EMID1: variants seen among roughly 807,000 people sequenced by gnomAD.
EMID1 encodes the protein EMI domain-containing protein 1.
Under a neutral mutation model 60.6 loss-of-function variants are expected in EMID1, and 40 were observed. The observed-to-expected ratio is 0.66, with a 90% confidence interval of 0.51 to 0.86. EMID1 has a LOEUF of 0.86. EMID1 is among the 40% of genes least tolerant of loss of function. The probability of loss-of-function intolerance (pLI) is 0.00; values close to 1 mark genes in which losing one functional copy is unlikely to be tolerated. For missense variants in EMID1, 585 were observed against 597.1 expected (o/e 0.98, Z 0.21); for synonymous variants, 242 against 231.0 (o/e 1.05, Z -0.43).
intron 14 of EMID1, chr22:29,255,186 G>GCCCAA: frequency 4.7e-6 from 2 of 425,448 alleles, no homozygotes; most frequent in Non-Finnish European, 9.1e-6. Flanking sequence ...AGCTGGCAGT[G>GCCCAA]CCCTCCCACC....
chr22:29,253,826 G>GAGAGC (rs2041607645), intron 13 of EMID1: 1 of 810,530 alleles, frequency 1.2e-6, no homozygotes, highest in Non-Finnish European at 1.5e-6. Flanking sequence ...CAGGTGTTGG[G>GAGAGC]AGAGCAACTG....
intron 14 of EMID1, chr22:29,255,607 G>T (rs894068104): frequency 1.4e-5 from 5 of 369,236 alleles, no homozygotes; most frequent in Non-Finnish European, 2.4e-5. Context: ...ACACAGTCCT[G>T]CCCTTGAGGA....
chr22:29,225,697 T>C (rs1318774646), intron 4 of EMID1, among the ~76,000 whole-genome samples: 1 of 152,116 alleles, frequency 6.6e-6, no homozygotes, highest in Non-Finnish European at 1.5e-5. Flanking sequence ...GCACCAGGAC[T>C]AGACCCCAGA....
At chr22:29,235,792 T>C (rs899455264) in intron 12 of EMID1, among the ~76,000 whole-genome samples, 11 of 141,224 alleles carry the variant, frequency 7.8e-5, no homozygotes, top group African/African-American at 2.9e-4. Flanking sequence ...TTTTTTTTTT[T>C]TTTTTTTTTT....
chr22:29,219,392 ACATATT>A (rs1460165735), intron 3 of EMID1, among the ~76,000 whole-genome samples: 2 of 152,058 alleles, frequency 1.3e-5, no homozygotes, highest in Non-Finnish European at 2.9e-5. Flanking sequence ...TCCCCAGCAT[ACATATT>A]CCTTCCCTGT....
At position 29,231,679 on chromosome 22, in the gene EMID1, C is replaced by T; in HGVS notation, c.673C>T (p.Pro225Ser). ...SRGPMGMRGP[P>S]GPQGPPGSPG... ...GGGCCCAATGGGGATGAGAGGCCCACCAGGTGAGTGCCCGCAATGCTGCCC... is the reference window on the plus strand; with the variant it reads ...GGGCCCAATGGGGATGAGAGGCCCATCAGGTGAGTGCCCGCAATGCTGCCC... Residue 225 changes from proline (P) to serine (S), a missense_variant, in exon 7 of 15, where the codon CCA becomes TCA. Pro to Ser is a moderately conservative substitution (Grantham distance 74). Transcript: ENST00000334018. The T allele has an allele frequency of 6.8e-7, 1 of 1,461,366 alleles. No homozygotes were observed. Among genetic ancestry groups the T allele is most frequent in the Non-Finnish European group, 9.1e-7 (1 of 1,102,592 alleles). 90.5% of individuals were successfully genotyped at this position (1,461,366 alleles called of 1,614,324 possible).
At chr22:29,238,057 T>C (rs1361911734) in intron 12 of EMID1, among the ~76,000 whole-genome samples, 1 of 143,258 alleles carries the variant, frequency 7.0e-6, no homozygotes, top group Non-Finnish European at 1.5e-5. Flanking sequence ...AAGGATAATT[T>C]TTCAGGGTAA....
chr22:29,249,519 C>T (rs1182762183), intron 13 of EMID1, among the ~76,000 whole-genome samples: 1 of 151,962 alleles, frequency 6.6e-6, no homozygotes, highest in Non-Finnish European at 1.5e-5. Flanking sequence ...GTGATCCGGC[C>T]ATCTCAGCCT....
At chr22:29,242,842 C>T (rs1484548151) in intron 12 of EMID1, among the ~76,000 whole-genome samples, 1 of 152,196 alleles carries the variant, frequency 6.6e-6, no homozygotes, top group African/African-American at 2.4e-5. Flanking sequence ...TAGGTGTTCA[C>T]AAGCACCTCT....
At chr22:29,241,487 C>A (rs963334342) in intron 12 of EMID1, among the ~76,000 whole-genome samples, 1 of 152,078 alleles carries the variant, frequency 6.6e-6, no homozygotes, top group African/African-American at 2.4e-5. Flanking sequence ...CTCCCGGGTT[C>A]AAGCGATTCT....
In EMID1 at chr22:29,234,166, A is replaced by G. The variant is rs374197018; in HGVS notation, c.996A>G (p.Gly332=). 4 of 1,600,998 alleles carry G rather than the reference A, an allele frequency of 2.5e-6. No individual in the cohort carries two copies. The highest frequency in any genetic ancestry group is 3.4e-6 in the Non-Finnish European group (4 of 1,173,498). Residue 332 remains glycine (G), a synonymous_variant, in exon 11 of 15, where the codon GGA becomes GGG. Transcript: ENST00000334018. ...IGPPGPTGPK[G]ISGHPGEKGE... The stretch of plus-strand genomic sequence containing the variant: ...CCCCAGGCCCCACTGGACCCAAAGG[A>G]ATCTCTGGCCACCCAGGAGAGAAGG...
chr22:29,216,063 G>A (rs2040069407), intron 3 of EMID1, among the ~76,000 whole-genome samples: 1 of 152,080 alleles, frequency 6.6e-6, no homozygotes, highest in Non-Finnish European at 1.5e-5. Flanking sequence ...GGAAGGGGAG[G>A]GGCACACACC....
chr22:29,253,124 G>A (rs1301930078), intron 13 of EMID1, among the ~76,000 whole-genome samples: 9 of 152,178 alleles, frequency 5.9e-5, no homozygotes, highest in African/African-American at 1.2e-4. Context: ...TAAACCCATC[G>A]TAAGTTGAAA....
chr22:29,240,275 G>A (rs1267036295), intron 12 of EMID1, among the ~76,000 whole-genome samples: 1 of 152,178 alleles, frequency 6.6e-6, no homozygotes, highest in African/African-American at 2.4e-5. Flanking sequence ...TCTTTCATGT[G>A]GAAACTAGAG....
At chr22:29,231,255 T>C (rs775835375) in intron 6 of EMID1, 115 bp downstream of exon 6, 8 of 1,416,988 alleles carry the variant, frequency 5.6e-6, no homozygotes, top group Non-Finnish European at 7.5e-6. Flanking sequence ...CTAGTGGGCC[T>C]CAGTCTTCCC....
At chr22:29,246,182 G>A (rs2041325379) in intron 13 of EMID1, among the ~76,000 whole-genome samples, 5 of 152,234 alleles carry the variant, frequency 3.3e-5, no homozygotes. Context: ...GCAAGAGGGA[G>A]CCTCGGATAT....
chr22:29,210,169 G>T (rs781633805), intron 1 of EMID1, among the ~76,000 whole-genome samples: 3 of 152,018 alleles, frequency 2.0e-5, no homozygotes, highest in Non-Finnish European at 4.4e-5. Context: ...CTGGCTAGCC[G>T]GCCACCAGCT....
At position 29,206,020 on chromosome 22, in the gene EMID1, G is replaced by T; in HGVS notation, c.-19G>T. ...GCGGCGACCGCGAGGGGCCGCGCGC[G>T]GAGGGCGCCTGGTGCAGCATGGGCG... is the stretch of plus-strand genomic sequence containing the variant. On this transcript the variant is annotated 5_prime_UTR_variant, in exon 1 of 15. Coordinates refer to ENST00000334018, the MANE Select transcript of EMID1 (RefSeq NM_133455.4). The T allele has an allele frequency of 8.2e-7, 1 of 1,213,472 alleles. No homozygotes were observed. The highest frequency in any genetic ancestry group is 4.1e-5 in the South Asian group (1 of 24,150). 75.2% of individuals were successfully genotyped at this position (1,213,472 alleles called of 1,614,324 possible). A position where few individuals can be genotyped will look rare whatever the true frequency, so the allele number is the denominator to read the frequency against.
In EMID1 at chr22:29,234,285, G is replaced by T. The variant is rs570914798; in HGVS notation, c.1030-20G>T. ...GAGTCCTCAACAGCTGACGCCATTC[G>T]TCTCCTCCCTCTTACACAGGGACTG... On this transcript the variant is annotated intron_variant, in intron 11 of 14. Transcript: ENST00000334018. The T allele has an allele frequency of 1.4e-5, 22 of 1,613,796 alleles. No homozygotes were observed. The East Asian group carries it at 2.9e-4, about 21-fold the overall frequency.
Sources: allele counts gnomAD v4.1 joint callset (sites outside exome capture counted in the v4.1 genomes callset), GRCh38; gene constraint gnomAD v4.1.1; transcripts MANE v1.5; gene names NCBI Gene and HGNC (gene_info 2026-07-23, HGNC 2026-07-21).